Variants in NLRC3 observed in about 807,000 individuals in gnomAD.
The protein encoded by NLRC3 is NLR family CARD domain-containing protein 3.
NLRC3 carries 87 observed loss-of-function variants against 91.6 expected under a neutral mutation model. The ratio of observed to expected loss-of-function variants is 0.95; its 90% CI spans 0.80 to 1.14. The LOEUF is 1.14. Ranked by LOEUF, NLRC3 falls within the 50% of genes most tolerant of loss-of-function variation. NLRC3 has a pLI of 0.00. For synonymous variants in NLRC3, 694 were observed against 625.3 expected (o/e 1.11, Z -1.64); for missense variants, 1,577 against 1,418.6 (o/e 1.11, Z -1.79).
In NLRC3 at chr16:3,563,416, G is replaced by T; in HGVS notation, c.1521C>A (p.Asp507Glu). 1 of 1,576,064 alleles carries T rather than the reference G, an allele frequency of 6.3e-7. No individual in the cohort carries two copies. Among genetic ancestry groups the T allele is most frequent in the South Asian group, 1.2e-5 (1 of 86,216 alleles). ...AGCGCAGGAACACGTCCAGCCTCCC[G>T]TCCTCTGCCTGCATGGCCCGCTGGG... is the stretch of plus-strand genomic sequence containing the variant. ...SAAQRAMQAE[D>E]GRLDVFLRFL... The change falls in exon 5 of 20, where the codon GAC becomes GAA. Residue 507 changes from aspartate (D) to glutamate (E), a missense_variant. By Grantham distance (45) the Asp-to-Glu change is conservative (BLOSUM62 2). Coordinates refer to ENST00000359128, the MANE Select transcript of NLRC3 (RefSeq NM_178844.4).
Position 3,541,745 on chromosome 16 carries a change from C to G in NLRC3, c.*80G>C. 2 of 915,764 alleles carry G rather than the reference C, an allele frequency of 2.2e-6. No homozygotes were observed. Among genetic ancestry groups the G allele is most frequent in the Non-Finnish European group, 3.5e-6 (2 of 571,006 alleles). 56.7% of individuals were successfully genotyped at this position (915,764 alleles called of 1,614,324 possible). ...GCAAGCAGCGTTCCCAGCTCCCAGACAGGCCCCCCAGAAGTCGGCCTTTCT... is the reference window on the plus strand; with the variant it reads ...GCAAGCAGCGTTCCCAGCTCCCAGAGAGGCCCCCCAGAAGTCGGCCTTTCT... On this transcript the variant is annotated 3_prime_UTR_variant, in exon 20 of 20. Coordinates refer to ENST00000359128, the MANE Select transcript of NLRC3 (RefSeq NM_178844.4).
Position 3,575,687 on chromosome 16 carries a change from G to T in NLRC3, c.-169+1462C>A, listed in dbSNP as rs555788874. On this transcript the variant is annotated intron_variant, in intron 1 of 19. Transcript: ENST00000359128. ...CCTCAGGCTCAGCAAGTGGCCTGCT[G>T]CCTCATTCCTGAGAAGCCTCAGTCC... Among the ~76,000 whole-genome samples, 27 of 152,286 alleles carry T rather than the reference G, an allele frequency of 1.8e-4. 1 individual carries two copies. In the South Asian group the frequency reaches 4.8e-3, roughly 27 times the overall value.
Position 3,541,637 on chromosome 16 carries a change from C to T in NLRC3, c.*188G>A. The T allele has an allele frequency of 3.3e-6, 2 of 597,522 alleles. No individual in the cohort carries two copies. Among genetic ancestry groups the T allele is most frequent in the Non-Finnish European group, 6.0e-6 (2 of 335,512 alleles). 37.0% of individuals were successfully genotyped at this position (597,522 alleles called of 1,614,324 possible). A position where few individuals can be genotyped will look rare whatever the true frequency, so the allele number is the denominator to read the frequency against. The stretch of plus-strand genomic sequence containing the variant: ...AGTACCCGTCACCCCCTGCCTGGAC[C>T]ACTCCTGCAGCAGAAGAGGAGCTCA... On this transcript the variant is annotated 3_prime_UTR_variant, in exon 20 of 20. Coordinates refer to ENST00000359128, the MANE Select transcript of NLRC3 (RefSeq NM_178844.4).
intron 12 of NLRC3, 128 bp from the exon 13 acceptor site, chr16:3,549,353 C>T (rs1420701585): frequency 1.4e-6 from 1 of 739,738 alleles, no homozygotes; most frequent in African/African-American, 1.8e-5. Context: ...TCTGCATAGT[C>T]TGGGCTGAGG....
At chr16:3,568,555 C>G (rs1022648398) in intron 1 of NLRC3, among the ~76,000 whole-genome samples, 4 of 152,132 alleles carry the variant, frequency 2.6e-5, no homozygotes, top group African/African-American at 9.7e-5. Flanking sequence ...GAGACCGTAG[C>G]TCTACAAAAT....
rs780806085 is a variant in NLRC3, at chr16:3,548,783, C to A, written c.2604-30G>T. On this transcript the variant is annotated intron_variant, in intron 13 of 19. Transcript: ENST00000359128. ...GAGGAAGGGAACAGGAGCAAGTGAG[C>A]CGGGGGCCGGCTGTGAAGCCTCCGG... The A allele has an allele frequency of 1.3e-5, 19 of 1,505,746 alleles. No homozygotes were observed. In the South Asian group the frequency reaches 2.2e-4, roughly 17 times the overall value. 93.3% of individuals were successfully genotyped at this position (1,505,746 alleles called of 1,614,324 possible).
rs778696262 is a variant in NLRC3 at position 3,564,489 on chromosome 16, C to T, written c.448G>A (p.Gly150Ser). 6.2e-7 allele frequency: 1 copy of T among 1,612,532 alleles called. No individual in the cohort carries two copies. Among genetic ancestry groups the T allele is most frequent in the Admixed American group, 1.7e-5 (1 of 60,028 alleles). Residue 150 changes from glycine (G) to serine (S), a missense_variant, in exon 5 of 20, where the codon GGC (glycine) becomes AGC (serine). Physicochemically the swap from Gly to Ser is moderately conservative, Grantham distance 56. Transcript: ENST00000359128. This position sits in a 1 kb window ranked among gnomAD's most constrained non-coding sequence, Gnocchi z 5.9. ...AAGTGCCTCACCAGGGTGGTCTTGC[C>T]CATGCCGGCCACCCCGATAGTGATG... ...VSITIGVAGM[G>S]KTTLVRHFVR...
intron 2 of NLRC3, among the ~76,000 whole-genome samples, chr16:3,566,464 G>A (rs1011395219): frequency 4.6e-5 from 7 of 152,110 alleles, no homozygotes; most frequent in African/African-American, 9.7e-5. Flanking sequence ...GGTGGCTCGC[G>A]CCTGTAATCC....
Position 3,541,785 on chromosome 16 carries a change from A to C in NLRC3, c.*40T>G, listed in dbSNP as rs751614119. On this transcript the variant is annotated 3_prime_UTR_variant, in exon 20 of 20. Transcript: ENST00000359128. Reference sequence around the variant, plus strand: ...TCGGCCTTTCTGTTCAAAAGCTTCCAGCTGAGCATCTGCCCATTCTCCTGA... The same window carrying C: ...TCGGCCTTTCTGTTCAAAAGCTTCCCGCTGAGCATCTGCCCATTCTCCTGA... The C allele has an allele frequency of 7.2e-7, 1 of 1,390,262 alleles. No individual in the cohort carries two copies. The highest frequency in any genetic ancestry group is 1.4e-5 in the African/African-American group (1 of 70,636). The allele number at this position is 1,390,262 out of a possible 1,614,324, so 86.1% of individuals were successfully genotyped here.
At chr16:3,551,814 C>CCCATCCAT (rs766775627) in intron 10 of NLRC3, among the ~76,000 whole-genome samples, 1 of 149,134 alleles carries the variant, frequency 6.7e-6, no homozygotes, top group Admixed American at 6.7e-5. Flanking sequence ...CATTCATTCA[C>CCCATCCAT]CCATCCATCC....
intron 1 of NLRC3, among the ~76,000 whole-genome samples, chr16:3,576,940 G>A (rs537524642): frequency 5.9e-5 from 9 of 152,308 alleles, no homozygotes; most frequent in African/African-American, 9.6e-5. Context: ...AAAGTGTTGG[G>A]ATTACAGGCG....
In NLRC3 at chr16:3,564,936, C is replaced by G. The variant is rs753282047; in HGVS notation, c.101G>C (p.Gly34Ala). 1.3e-5 allele frequency: 21 copies of G among 1,610,696 alleles called. No individual in the cohort carries two copies. Among genetic ancestry groups the G allele is most frequent in the Admixed American group, 3.3e-5 (2 of 59,970 alleles). Residue 34 changes from glycine to alanine, a missense_variant, in exon 4 of 20, where the codon GGG becomes GCG. Gly to Ala is a moderately conservative substitution (Grantham distance 60). Transcript: ENST00000359128. This position sits in a 1 kb window ranked among gnomAD's most constrained non-coding sequence, Gnocchi z 5.9. The stretch of plus-strand genomic sequence containing the variant: ...GGCCTGGGAGCCTTGACTGCCCTTC[C>G]CAGCCAGCAGATCCATGAGGGCTTT... ...QVKALMDLLA[G>A]KGSQGSQAPQ...
At chr16:3,550,581 T>C in intron 10 of NLRC3, 84 bp from the exon 11 acceptor site, 1 of 987,628 alleles carries the variant, frequency 1.0e-6, no homozygotes, top group Non-Finnish European at 1.6e-6. Context: ...AGGGAAGCCC[T>C]CCTGGGAGGG....
At position 3,544,267 on chromosome 16, in the gene NLRC3, T is replaced by C; in HGVS notation, c.2834A>G (p.Asn945Ser). ...TTACTAGAGAGCAGTGAGGGCTGTG[T>C]TGACCTTCAGTGCACGGGCCACCGC... ...ACAVARALKV[N>S]TALTALYLQV... The change falls in exon 16 of 20, where the codon AAC becomes AGC. Residue 945 changes from asparagine to serine, a missense_variant. Asn to Ser is a conservative substitution (Grantham distance 46). Transcript: ENST00000359128. 1 of 1,611,772 alleles carries C rather than the reference T, an allele frequency of 6.2e-7. No homozygotes were observed. Among genetic ancestry groups the C allele is most frequent in the Non-Finnish European group, 8.5e-7 (1 of 1,177,992 alleles).
chr16:3,550,391 G>A (rs746436891), intron 11 of NLRC3, 23 bp downstream of exon 11: 15 of 1,532,592 alleles, frequency 9.8e-6, no homozygotes, highest in East Asian at 2.2e-5. Context: ...AGGGGGAATC[G>A]TCACCCTGGC....
At chr16:3,542,114 C>T (rs1180197213) in intron 19 of NLRC3, 77 bp downstream of exon 19, 1 of 1,076,836 alleles carries the variant, frequency 9.3e-7, no homozygotes, top group Non-Finnish European at 1.4e-6. Flanking sequence ...GGTCAGCTGG[C>T]TCTCAGAACT....
intron 12 of NLRC3, 104 bp from the exon 13 acceptor site, chr16:3,549,329 G>T: frequency 1.2e-6 from 1 of 832,528 alleles, no homozygotes; most frequent in Admixed American, 2.1e-5. Flanking sequence ...AACTGCAGGC[G>T]GGGGACCTAG....
chr16:3,542,999 C>G (rs111916712), intron 17 of NLRC3: 18 of 557,084 alleles, frequency 3.2e-5, no homozygotes, highest in African/African-American at 2.3e-4. Context: ...GTTGTTGGAG[C>G]CTTCCTCCTC....
intron 6 of NLRC3, among the ~76,000 whole-genome samples, chr16:3,560,139 C>T (rs1024863314): frequency 3.3e-5 from 5 of 152,060 alleles, no homozygotes; most frequent in African/African-American, 1.2e-4. Context: ...TTACCCCTGG[C>T]CACAGTGGCT....
Sources: allele counts gnomAD v4.1 joint callset (sites outside exome capture counted in the v4.1 genomes callset), GRCh38; gene constraint gnomAD v4.1.1; non-coding constraint Gnocchi (gnomAD v3.1); transcripts MANE v1.5; gene names NCBI Gene and HGNC (gene_info 2026-07-23, HGNC 2026-07-21).